The following MICU2 variants were observed in gnomAD, a reference collection of about 807,000 sequenced individuals.
MICU2 encodes the protein calcium uptake protein 2, mitochondrial.
A neutral mutation model predicts 60.4 loss-of-function variants in MICU2; 64 were observed. The ratio of observed to expected loss-of-function variants is 1.06; its 90% CI spans 0.87 to 1.31. The LOEUF is 1.31. Among genes scored for constraint, MICU2 ranks in the 50% most tolerant of loss-of-function variants. The pLI is 0.00. For missense variants in MICU2, 569 were observed against 531.0 expected, an observed-to-expected ratio of 1.07 and a Z score of -0.70; for synonymous variants, 201 against 175.0, an observed-to-expected ratio of 1.15 and a Z score of -1.17.
chr13:21,522,496 CAAT>C (rs1350872734), intron 5 of MICU2, 104 bp downstream of exon 5: 4 of 810,932 alleles, frequency 4.9e-6, no homozygotes, highest in Non-Finnish European at 7.8e-6. Context: ...ACTAAGGCAT[CAAT>C]AATGTTTTTA....
chr13:21,577,690 A>C (rs1888255862), intron 1 of MICU2, among the ~76,000 whole-genome samples: 1 of 151,546 alleles, frequency 6.6e-6, no homozygotes, highest in African/African-American at 2.4e-5. Context: ...CTGTAATCCC[A>C]GCTACTTGGG....
chr13:21,556,203 T>G (rs753269804), intron 2 of MICU2, among the ~76,000 whole-genome samples: 1 of 152,102 alleles, frequency 6.6e-6, no homozygotes, highest in Non-Finnish European at 1.5e-5. Context: ...CCAATAACCC[T>G]CATATTGCCA....
chr13:21,522,901 A>G (rs187465022), intron 4 of MICU2, among the ~76,000 whole-genome samples: 25 of 152,348 alleles, frequency 1.6e-4, no homozygotes, highest in Admixed American at 7.2e-4. Context: ...TGACTGTGTC[A>G]CAGACTGAAC....
chr13:21,496,293 G>A, intron 9 of MICU2, 133 bp from the exon 10 acceptor site: 1 of 667,890 alleles, frequency 1.5e-6, no homozygotes, highest in Non-Finnish European at 2.5e-6. Context: ...AGCTTTCTCT[G>A]TCCCTTTCTC....
chr13:21,573,601 G>A (rs551280641), intron 1 of MICU2, among the ~76,000 whole-genome samples: 3 of 152,130 alleles, frequency 2.0e-5, no homozygotes, highest in South Asian at 4.1e-4. Context: ...AGCATACTAA[G>A]TATGAACAAT....
intron 2 of MICU2, among the ~76,000 whole-genome samples, chr13:21,550,468 G>C (rs1887529476): frequency 6.6e-6 from 1 of 152,170 alleles, no homozygotes; most frequent in African/African-American, 2.4e-5. Flanking sequence ...AACCCAGGAG[G>C]TTGAGGCTGC....
intron 5 of MICU2, 93 bp from the exon 6 acceptor site, chr13:21,521,420 A>T: frequency 1.1e-6 from 1 of 887,066 alleles, no homozygotes; most frequent in Non-Finnish European, 1.8e-6. Flanking sequence ...ACACTAGCAG[A>T]AACTGTATGA....
intron 6 of MICU2, among the ~76,000 whole-genome samples, chr13:21,517,800 C>CGT (rs1491262881): frequency 3.8e-4 from 20 of 52,822 alleles, no homozygotes; most frequent in Non-Finnish European, 8.4e-4. Flanking sequence ...CACACACACA[C>CGT]GCGCGCGCGC....
intron 1 of MICU2, among the ~76,000 whole-genome samples, chr13:21,592,090 G>A (rs1367757799): frequency 6.7e-6 from 1 of 150,120 alleles, no homozygotes; most frequent in East Asian, 1.9e-4. Flanking sequence ...CTGGTTTTTT[G>A]AAAAAAAATT....
chr13:21,498,375 T>C (rs899023100), intron 9 of MICU2, among the ~76,000 whole-genome samples: 1 of 82,616 alleles, frequency 1.2e-5, no homozygotes. Context: ...TATTCTTTTT[T>C]TTTTTTTTTT....
chr13:21,515,648 A>G, intron 6 of MICU2: 1 of 359,964 alleles, frequency 2.8e-6, no homozygotes, highest in Admixed American at 3.2e-5. Context: ...CAAATCAATT[A>G]GGAGACAAAC....
chr13:21,520,607 A>T (rs1269655090), intron 6 of MICU2, among the ~76,000 whole-genome samples: 1 of 151,750 alleles, frequency 6.6e-6, no homozygotes, highest in Non-Finnish European at 1.5e-5. Context: ...GATTAAAAAC[A>T]CTTAACCCTA....
chr13:21,493,147 G>C lies in MICU2; in HGVS notation c.*102C>G. The stretch of plus-strand genomic sequence containing the variant: ...GTACAAGACATGCTTATTTCACACA[G>C]AATATCAATGAAGACTTAAGAAGAT... On this transcript the variant is annotated 3_prime_UTR_variant, in exon 12 of 12. Transcript: ENST00000382374. 1 of 631,982 alleles carries C rather than the reference G, an allele frequency of 1.6e-6. No homozygotes were observed. Among genetic ancestry groups the C allele is most frequent in the South Asian group, 2.6e-5 (1 of 38,814 alleles). 39.1% of individuals were successfully genotyped at this position (631,982 alleles called of 1,614,324 possible). A position where few individuals can be genotyped will look rare whatever the true frequency, so the allele number is the denominator to read the frequency against.
intron 6 of MICU2, 46 bp downstream of exon 6, chr13:21,521,199 A>G: frequency 7.3e-7 from 1 of 1,366,488 alleles, no homozygotes; most frequent in African/African-American, 1.5e-5. Context: ...TCACACAAAC[A>G]TCCAGGTATT....
chr13:21,535,810 A>ATAC (rs1219313634), intron 4 of MICU2, among the ~76,000 whole-genome samples: 1 of 152,162 alleles, frequency 6.6e-6, no homozygotes, highest in Non-Finnish European at 1.5e-5. Flanking sequence ...TACATACCAG[A>ATAC]TACTATAAAT....
chr13:21,552,864 G>A (rs1353430232), intron 2 of MICU2, among the ~76,000 whole-genome samples: 2 of 152,184 alleles, frequency 1.3e-5, no homozygotes, highest in African/African-American at 4.8e-5. Flanking sequence ...CAGGTAGCGT[G>A]ATGCCTCCAG....
At chr13:21,545,530 A>G (rs1481346394) in intron 2 of MICU2, among the ~76,000 whole-genome samples, 1 of 152,066 alleles carries the variant, frequency 6.6e-6, no homozygotes, top group Non-Finnish European at 1.5e-5. Context: ...AAAAATACAA[A>G]AATTGATGGG....
At chr13:21,545,537 T>C (rs1887394463) in intron 2 of MICU2, among the ~76,000 whole-genome samples, 1 of 151,610 alleles carries the variant, frequency 6.6e-6, no homozygotes. Context: ...CAAAAATTGA[T>C]GGGTGTGGTG....
intron 1 of MICU2, chr13:21,603,659 T>C (rs1458711246): frequency 1.9e-6 from 1 of 516,778 alleles, no homozygotes; most frequent in Non-Finnish European, 3.4e-6. Context: ...CACCACTAAA[T>C]TAGTGCGGCC....
Sources: allele counts gnomAD v4.1 joint callset (sites outside exome capture counted in the v4.1 genomes callset), GRCh38; gene constraint gnomAD v4.1.1; transcripts MANE v1.5; gene names NCBI Gene and HGNC (gene_info 2026-07-23, HGNC 2026-07-21).